The following EHF variants were observed in gnomAD, a reference collection of about 807,000 sequenced individuals.
EHF encodes the protein ETS homologous factor, also known as ESE3 transcription factor.
A neutral mutation model predicts 45.1 loss-of-function variants in EHF; 14 were observed. That is an observed-to-expected ratio of 0.31 (90% CI 0.21 to 0.49). The LOEUF (loss-of-function observed/expected upper bound fraction) is 0.49. EHF is among the 20% of genes least tolerant of loss of function. The pLI, the probability that EHF is intolerant of heterozygous loss-of-function variation, is 0.99. For missense variants in EHF, 282 were observed against 371.4 expected (o/e 0.76, Z 1.98); for synonymous variants, 136 against 131.8 (o/e 1.03, Z -0.22).
rs1022379376 is a variant in EHF, at chr11:34,660,699, C to G, written c.*1768C>G. The G allele has an allele frequency of 2.5e-4, 38 of 152,064 alleles. No homozygotes were observed. The highest frequency in any genetic ancestry group is 8.9e-4 in the African/African-American group (37 of 41,390). The allele number at this position is 152,064 out of a possible 1,614,324, so 9.4% of individuals were successfully genotyped here. A position where few individuals can be genotyped will look rare whatever the true frequency, so the allele number is the denominator to read the frequency against. On this transcript the variant is annotated 3_prime_UTR_variant, in exon 9 of 9. Transcript: ENST00000257831. ...GCTCTCTCATGTCCTTGGCTTGCTC[C>G]TCTATTCTACCTCTCTTTCTCCAGC...
intron 1 of EHF, among the ~76,000 whole-genome samples, chr11:34,637,029 CAAAAAAAAAAAAA>C (rs34992133): frequency 1.2e-5 from 1 of 86,890 alleles, no homozygotes; most frequent in Non-Finnish European, 2.2e-5. Context: ...AACTTCATCT[CAAAAAAAAAAAAA>C]AAAAAAAAGA....
chr11:34,653,953 C>T (rs1015776841), intron 6 of EHF, among the ~76,000 whole-genome samples: 4 of 152,124 alleles, frequency 2.6e-5, no homozygotes, highest in South Asian at 2.1e-4. Context: ...ATAAAATGCC[C>T]GCTGCCGGTG....
At chr11:34,652,954 T>C (rs1474999454) in intron 6 of EHF, among the ~76,000 whole-genome samples, 5 of 152,286 alleles carry the variant, frequency 3.3e-5, no homozygotes, top group African/African-American at 1.2e-4. Flanking sequence ...TTGTTAAAAT[T>C]AGGGAATAGA....
At chr11:34,627,988 T>C (rs1193624642) in intron 1 of EHF, among the ~76,000 whole-genome samples, 1 of 152,222 alleles carries the variant, frequency 6.6e-6, no homozygotes, top group Non-Finnish European at 1.5e-5. Context: ...AGCACATATA[T>C]TGTTATCAGG....
chr11:34,643,795 C>G (rs1397847458), intron 2 of EHF, among the ~76,000 whole-genome samples: 2 of 152,298 alleles, frequency 1.3e-5, no homozygotes, highest in East Asian at 3.9e-4. Flanking sequence ...CCAAATAAAA[C>G]TGGAAGTCTT....
intron 1 of EHF, chr11:34,632,445 G>C: frequency 3.4e-6 from 5 of 1,482,770 alleles, no homozygotes; most frequent in Non-Finnish European, 4.5e-6. Context: ...CTCAGAGAGA[G>C]ACATTCAGCC....
chr11:34,640,352 A>G (rs1208430720), intron 1 of EHF, among the ~76,000 whole-genome samples: 2 of 152,200 alleles, frequency 1.3e-5, no homozygotes, highest in African/African-American at 4.8e-5. Context: ...AATCCTTGTG[A>G]AAGAATTTGA....
intron 1 of EHF, among the ~76,000 whole-genome samples, chr11:34,641,786 C>T (rs967657391): frequency 1.8e-4 from 28 of 152,110 alleles, no homozygotes; most frequent in Admixed American, 1.8e-3. Context: ...GACAATATTT[C>T]TGAAGTGTAA....
intron 1 of EHF, among the ~76,000 whole-genome samples, chr11:34,623,228 T>C (rs1462122708): frequency 1.3e-5 from 2 of 152,024 alleles, no homozygotes; most frequent in Non-Finnish European, 2.9e-5. Flanking sequence ...TGGGATTACA[T>C]GTGCTCGCCA....
At chr11:34,624,602 A>C (rs1370691621) in intron 1 of EHF, among the ~76,000 whole-genome samples, 9 of 152,236 alleles carry the variant, frequency 5.9e-5, no homozygotes, top group Admixed American at 4.6e-4. Flanking sequence ...CAAACAGTGC[A>C]GTGAGGAGAA....
intron 1 of EHF, among the ~76,000 whole-genome samples, chr11:34,640,252 C>T (rs1003808450): frequency 1.3e-5 from 2 of 152,274 alleles, no homozygotes; most frequent in East Asian, 1.9e-4. Flanking sequence ...ACAGCCTCCA[C>T]GCCACCCTGC....
chr11:34,657,595 C>T (rs2134234572), intron 7 of EHF, among the ~76,000 whole-genome samples: 1 of 148,100 alleles, frequency 6.8e-6, no homozygotes, highest in Non-Finnish European at 1.5e-5. Flanking sequence ...TCAAGACCAG[C>T]TTGGGAAACA....
intron 6 of EHF, among the ~76,000 whole-genome samples, chr11:34,656,285 C>T (rs1025153822): frequency 5.3e-5 from 8 of 152,052 alleles, no homozygotes; most frequent in African/African-American, 1.4e-4. Context: ...CACTCAATGG[C>T]GCCTTTGTCA....
chr11:34,656,613 A>G (rs771227759), intron 6 of EHF, among the ~76,000 whole-genome samples: 2 of 152,176 alleles, frequency 1.3e-5, no homozygotes, highest in Non-Finnish European at 2.9e-5. Flanking sequence ...AGCTCTCTGC[A>G]TGACCTTTTC....
In EHF at chr11:34,638,786, G is replaced by A. The variant is rs569837142; in HGVS notation, c.-3-3842G>A. ...GGATTCCTCCTCTGCCTCCCCATCC[G>A]AGGTTCCTGCCTCCAGCAGAAGATG... On this transcript the variant is annotated intron_variant, in intron 1 of 8. Transcript: ENST00000257831. Among the ~76,000 whole-genome samples the A allele has an allele frequency of 2.6e-5, 4 of 152,300 alleles. No homozygotes were observed. The South Asian group carries it at 6.2e-4, about 24-fold the overall frequency.
chr11:34,651,858 A>C, intron 6 of EHF, 53 bp downstream of exon 6: 2 of 1,519,192 alleles, frequency 1.3e-6, no homozygotes, highest in Admixed American at 1.8e-5. Context: ...AGGGAGAATC[A>C]GTGGGAATTA....
At chr11:34,656,838 G>C (rs1293977009) in intron 6 of EHF, 70 bp from the exon 7 acceptor site, 1 of 1,543,634 alleles carries the variant, frequency 6.5e-7, no homozygotes, top group African/African-American at 1.4e-5. Context: ...GTTTAAATGA[G>C]TGGATGCATG....
intron 1 of EHF, among the ~76,000 whole-genome samples, chr11:34,636,062 G>C (rs1279177852): frequency 6.6e-6 from 1 of 152,194 alleles, no homozygotes; most frequent in Non-Finnish European, 1.5e-5. Flanking sequence ...ACAGATAAGA[G>C]AGCTTTGAAG....
At chr11:34,637,473 G>A (rs895447814) in intron 1 of EHF, among the ~76,000 whole-genome samples, 3 of 152,190 alleles carry the variant, frequency 2.0e-5, no homozygotes, top group Non-Finnish European at 4.4e-5. Context: ...CCTATCTCCC[G>A]CCATGTCTCA....
Sources: allele counts gnomAD v4.1 joint callset (sites outside exome capture counted in the v4.1 genomes callset), GRCh38; gene constraint gnomAD v4.1.1; transcripts MANE v1.5; gene names NCBI Gene and HGNC (gene_info 2026-07-23, HGNC 2026-07-21).